The following MAP3K13 variants were observed in gnomAD, a reference collection of about 807,000 sequenced individuals.
MAP3K13 encodes leucine zipper-bearing kinase.
In MAP3K13, 52 loss-of-function variants were observed where a neutral mutation model predicts 104.0. That is an observed-to-expected ratio of 0.50 (90% CI 0.40 to 0.63). The LOEUF (loss-of-function observed/expected upper bound fraction) is 0.63, where lower values mean the gene tolerates loss of function less well. Among genes scored for constraint, MAP3K13 ranks in the 20% least tolerant of loss-of-function variants. The pLI is 0.00. For missense variants in MAP3K13, 914 were observed against 1,218.5 expected (o/e 0.75, Z 3.72); for synonymous variants, 394 against 442.2 (o/e 0.89, Z 1.37).
chr3:185,412,663 T>G (rs1343706761), intron 1 of MAP3K13, among the ~76,000 whole-genome samples: 1 of 152,244 alleles, frequency 6.6e-6, no homozygotes, highest in East Asian at 1.9e-4. Context: ...GGACTACTTC[T>G]GTGAGCAAAA....
intron 1 of MAP3K13, among the ~76,000 whole-genome samples, chr3:185,416,851 G>A (rs966825683): frequency 6.7e-6 from 1 of 150,080 alleles, no homozygotes; most frequent in African/African-American, 2.5e-5. Context: ...TTGAACTCCT[G>A]GGCTCAAGCA....
At chr3:185,304,637 T>C (rs1469387937) in intron 2 of MAP3K13, among the ~76,000 whole-genome samples, 1 of 152,120 alleles carries the variant, frequency 6.6e-6, no homozygotes, top group Non-Finnish European at 1.5e-5. Flanking sequence ...TGGCCACTTA[T>C]GTTCTCTTTT....
intron 1 of MAP3K13, among the ~76,000 whole-genome samples, chr3:185,379,026 T>C (rs371585421): frequency 6.6e-6 from 1 of 151,994 alleles, no homozygotes; most frequent in Admixed American, 6.6e-5. Flanking sequence ...AGGTTGCCCA[T>C]GGTGAAGGAG....
chr3:185,393,379 G>A (rs546208179), intron 1 of MAP3K13, among the ~76,000 whole-genome samples: 19 of 152,118 alleles, frequency 1.2e-4, no homozygotes, highest in Non-Finnish European at 2.5e-4. Context: ...ATTACATTCC[G>A]CCAGAAGGCA....
At chr3:185,390,222 T>G (rs1441682528) in intron 1 of MAP3K13, among the ~76,000 whole-genome samples, 1 of 152,184 alleles carries the variant, frequency 6.6e-6, no homozygotes, top group Non-Finnish European at 1.5e-5. Context: ...TTGGATTTAG[T>G]GTGTGCCAGA....
chr3:185,410,253 A>C (rs542426108), intron 1 of MAP3K13, among the ~76,000 whole-genome samples: 1 of 152,330 alleles, frequency 6.6e-6, no homozygotes, highest in East Asian at 1.9e-4. Flanking sequence ...CCAGTAACAG[A>C]AAGTTAAACA....
chr3:185,309,527 A>G (rs868845310), intron 2 of MAP3K13, among the ~76,000 whole-genome samples: 25 of 139,224 alleles, frequency 1.8e-4, no homozygotes, highest in East Asian at 1.1e-3. Context: ...AAAAAAAAAA[A>G]AAAGAAAGAA....
chr3:185,325,620 C>T (rs1044117159), intron 2 of MAP3K13, among the ~76,000 whole-genome samples: 1 of 152,152 alleles, frequency 6.6e-6, no homozygotes, highest in Non-Finnish European at 1.5e-5. Flanking sequence ...GTAAGAAGGA[C>T]CAGGTATGAT....
chr3:185,365,973 T>C (rs937677970), intron 1 of MAP3K13, among the ~76,000 whole-genome samples: 1 of 93,830 alleles, frequency 1.1e-5, no homozygotes. Flanking sequence ...TCCTTTCTTT[T>C]CTCTTTTCTT....
intron 7 of MAP3K13, 71 bp downstream of exon 7, chr3:185,451,466 T>C: frequency 1.0e-6 from 1 of 967,314 alleles, no homozygotes; most frequent in Non-Finnish European, 1.7e-6. Context: ...GAGTAACTCT[T>C]AGAAGGGCCC....
intron 2 of MAP3K13, among the ~76,000 whole-genome samples, chr3:185,347,006 T>C (rs1022440227): frequency 1.0e-4 from 15 of 147,246 alleles, no homozygotes; most frequent in African/African-American, 3.4e-4. Flanking sequence ...TTTTTTTTTT[T>C]AGACAGAGTC....
intron 13 of MAP3K13, chr3:185,481,392 A>C (rs1327176353): frequency 1.3e-5 from 2 of 152,112 alleles, no homozygotes; most frequent in Non-Finnish European, 2.9e-5. Flanking sequence ...GGGAGGCTTG[A>C]GGTGGAAGGT....
At chr3:185,362,687 G>C (rs1723678593), upstream of MAP3K13, among the ~76,000 whole-genome samples, 1 of 152,124 alleles carries the variant, frequency 6.6e-6, no homozygotes, top group Non-Finnish European at 1.5e-5. Context: ...AAGTCGTGGT[G>C]AGCAGGGCAT....
At chr3:185,426,737 G>A (rs1469674020) in intron 1 of MAP3K13, among the ~76,000 whole-genome samples, 1 of 151,866 alleles carries the variant, frequency 6.6e-6, no homozygotes, top group Non-Finnish European at 1.5e-5. Flanking sequence ...CCCCACACCT[G>A]TAATACCTTC....
intron 2 of MAP3K13, among the ~76,000 whole-genome samples, chr3:185,357,572 C>A (rs1723421733): frequency 6.6e-6 from 1 of 151,692 alleles, no homozygotes; most frequent in Non-Finnish European, 1.5e-5. Context: ...AGTACCTTTG[C>A]AAACTCAGTA....
At chr3:185,446,064 G>C (rs1429129847) in intron 4 of MAP3K13, among the ~76,000 whole-genome samples, 4 of 152,100 alleles carry the variant, frequency 2.6e-5, no homozygotes, top group Non-Finnish European at 5.9e-5. Flanking sequence ...CAAAACCAGG[G>C]CATGGAGGAT....
chr3:185,466,532 A>G (rs1050114207), intron 9 of MAP3K13, among the ~76,000 whole-genome samples: 1 of 152,032 alleles, frequency 6.6e-6, no homozygotes, highest in Non-Finnish European at 1.5e-5. Context: ...GCATGCCACC[A>G]TGCCCAGCTA....
chr3:185,319,185 C>T lies in MAP3K13; in HGVS notation c.-86+33542C>T, dbSNP rs973512902. Among the ~76,000 whole-genome samples the T allele has an allele frequency of 9.2e-5, 14 of 152,212 alleles. 1 individual carries two copies. Among genetic ancestry groups the T allele is most frequent in the African/African-American group, 2.6e-4 (11 of 41,536 alleles). ...CCATGTCAACGCTTATAGCATTCCTCATTAGTTTTCACTGCTGTATAATGT... is the reference window on the plus strand; with the variant it reads ...CCATGTCAACGCTTATAGCATTCCTTATTAGTTTTCACTGCTGTATAATGT... On this transcript the variant is annotated intron_variant, in intron 2 of 14. Coordinates refer to the MAP3K13 transcript ENST00000424227.
intron 7 of MAP3K13, among the ~76,000 whole-genome samples, chr3:185,456,576 C>T (rs1381639743): frequency 6.7e-6 from 1 of 148,786 alleles, no homozygotes; most frequent in African/African-American, 2.5e-5. Context: ...GATATGGTTG[C>T]AATCACAGCT....
Sources: allele counts gnomAD v4.1 joint callset (sites outside exome capture counted in the v4.1 genomes callset), GRCh38; gene constraint gnomAD v4.1.1; transcripts MANE v1.5; gene names NCBI Gene and HGNC (gene_info 2026-07-23, HGNC 2026-07-21).